Variants in EYA1 observed in about 807,000 individuals in gnomAD.
The protein encoded by EYA1 is protein phosphatase EYA1.
EYA1 carries 16 observed loss-of-function variants against 82.0 expected under a neutral mutation model. The observed-to-expected ratio is 0.20, with a 90% CI of 0.13 to 0.30. The LOEUF (loss-of-function observed/expected upper bound fraction) is 0.30, where lower values mean the gene tolerates loss of function less well. EYA1 is among the 10% of genes least tolerant of loss of function. The probability of loss-of-function intolerance (pLI) is 1.00; values close to 1 mark genes in which losing one functional copy is unlikely to be tolerated. For missense variants in EYA1, 633 were observed against 730.7 expected, an observed-to-expected ratio of 0.87 and a Z score of 1.54; for synonymous variants, 261 against 264.4, an observed-to-expected ratio of 0.99 and a Z score of 0.12.
At chr8:71,347,853 A>ATTTT (rs1388430053) in intron 3 of EYA1, among the ~76,000 whole-genome samples, 3 of 136,180 alleles carry the variant, frequency 2.2e-5, no homozygotes, top group Non-Finnish European at 1.5e-5. Flanking sequence ...TCTGTCTACC[A>ATTTT]TTTTTTGGTG....
At position 71,321,618 on chromosome 8, in the gene EYA1, G is replaced by GA. The variant is rs1822556435; in HGVS notation, c.418+115dup. 137 of 1,298,544 alleles carry GA rather than the reference G, an allele frequency of 1.1e-4. 1 individual carries two copies. In the South Asian group the frequency reaches 1.8e-3, roughly 17 times the overall value. The allele number at this position is 1,298,544 out of a possible 1,614,324, so 80.4% of individuals were successfully genotyped here. ...CAATCATACTAAGAATTTAGACACAGAAGGTGACAACACGTTCTAAATTGG... is the reference window on the plus strand; with the variant it reads ...CAATCATACTAAGAATTTAGACACAGAAAGGTGACAACACGTTCTAAATTGG... On this transcript the variant is annotated intron_variant, in intron 6 of 17. Coordinates refer to ENST00000340726, the MANE Select transcript of EYA1 (RefSeq NM_000503.6).
chr8:71,300,927 GTC>G (rs1159607216), intron 7 of EYA1, among the ~76,000 whole-genome samples: 74 of 152,132 alleles, frequency 4.9e-4, no homozygotes, highest in Non-Finnish European at 5.9e-5. Context: ...AAGAAATGCT[GTC>G]TCTGAAGGAT....
Position 71,217,096 on chromosome 8 carries a change from CCATA to C in EYA1, c.1141-77_1141-74del. On this transcript the variant is annotated intron_variant, in intron 12 of 17. Transcript: ENST00000340726. Reference sequence around the variant, plus strand: ...ATTTTTTTGTTTTGTTTTGGAAAAACCATACATATTTTTTAAAGCACCTTAATTG... The same window carrying C: ...ATTTTTTTGTTTTGTTTTGGAAAAACCATATTTTTTAAAGCACCTTAATTG... 5.2e-6 allele frequency: 6 copies of C among 1,148,166 alleles called. No individual in the cohort carries two copies. The Admixed American group carries it at 6.9e-5, about 13-fold the overall frequency. The allele number at this position is 1,148,166 out of a possible 1,614,324, so 71.1% of individuals were successfully genotyped here.
intron 7 of EYA1, among the ~76,000 whole-genome samples, chr8:71,300,286 G>C (rs1586251387): frequency 6.6e-6 from 1 of 152,294 alleles, no homozygotes; most frequent in Middle Eastern, 3.4e-3. Context: ...TACATATGCT[G>C]TCAAGATAAT....
chr8:71,481,704 T>A (rs1810175988), intron 2 of EYA1, among the ~76,000 whole-genome samples: 1 of 152,168 alleles, frequency 6.6e-6, no homozygotes, highest in Admixed American at 6.5e-5. Flanking sequence ...ATCCCCTACT[T>A]TTCCCGTAGA....
At chr8:71,290,283 AT>A (rs1422943868) in intron 9 of EYA1, among the ~76,000 whole-genome samples, 2 of 152,290 alleles carry the variant, frequency 1.3e-5, no homozygotes, top group African/African-American at 4.8e-5. Flanking sequence ...CTTTACAACC[AT>A]CTCCAATTAA....
intron 2 of EYA1, among the ~76,000 whole-genome samples, chr8:71,515,100 G>GT (rs1249815449): frequency 1.3e-5 from 2 of 152,094 alleles, no homozygotes; most frequent in East Asian, 1.9e-4. Flanking sequence ...TTAGTGTATG[G>GT]TAAAAAAAAG....
chr8:71,438,498 T>C (rs141363434), intron 2 of EYA1, among the ~76,000 whole-genome samples: 1,534 of 152,182 alleles, frequency 0.01, 32 homozygotes, highest in African/African-American at 0.036. Context: ...ATCATAAGAT[T>C]TCGTAGAAGA....
chr8:71,497,856 A>C (rs1249716801), intron 2 of EYA1, among the ~76,000 whole-genome samples: 1 of 152,220 alleles, frequency 6.6e-6, no homozygotes, highest in Non-Finnish European at 1.5e-5. Flanking sequence ...ATTGTGGTAT[A>C]TATAATGGAA....
chr8:71,515,083 C>T (rs1223266099), intron 2 of EYA1, among the ~76,000 whole-genome samples: 1 of 152,032 alleles, frequency 6.6e-6, no homozygotes, highest in East Asian at 1.9e-4. Context: ...CAATGAGTTA[C>T]ACATTTTTAG....
At chr8:71,532,444 T>C (rs6472591) in intron 2 of EYA1, among the ~76,000 whole-genome samples, 15,639 of 152,220 alleles carry the variant, frequency 0.1, 2,732 homozygotes, top group African/African-American at 0.35. Context: ...CCTTCTCTTT[T>C]GATCTTGTCA....
rs952689904 is a variant in EYA1, at chr8:71,397,682, T to A, written c.34-41171A>T. On this transcript the variant is annotated intron_variant, in intron 2 of 18. Coordinates refer to the EYA1 transcript ENST00000643681. ...CACTGTTAGTCTGATGGGCTTCCCTTTGTGAGTAACCCAACCTTTCTCTCT... is the reference window on the plus strand; with the variant it reads ...CACTGTTAGTCTGATGGGCTTCCCTATGTGAGTAACCCAACCTTTCTCTCT... Among the ~76,000 whole-genome samples, 3 of 152,238 alleles carry A rather than the reference T, an allele frequency of 2.0e-5. No individual in the cohort carries two copies. In the East Asian group the frequency reaches 5.8e-4, roughly 29 times the overall value.
intron 2 of EYA1, among the ~76,000 whole-genome samples, chr8:71,370,681 A>G (rs1007744011): frequency 3.3e-5 from 5 of 152,034 alleles, no homozygotes; most frequent in African/African-American, 1.2e-4. Context: ...GGATGCAGTG[A>G]TGCAATCATG....
At chr8:71,486,337 G>A (rs915873511) in intron 2 of EYA1, among the ~76,000 whole-genome samples, 17 of 152,124 alleles carry the variant, frequency 1.1e-4, no homozygotes, top group Non-Finnish European at 2.5e-4. Flanking sequence ...AGGTATAATC[G>A]ACTCTACTGG....
chr8:71,279,000 G>A (rs1213576116), intron 9 of EYA1, among the ~76,000 whole-genome samples: 2 of 152,154 alleles, frequency 1.3e-5, no homozygotes, highest in Non-Finnish European at 2.9e-5. Context: ...TAGCCGAGAG[G>A]AAGCTCTCAC....
intron 1 of EYA1, among the ~76,000 whole-genome samples, chr8:71,543,320 T>C (rs563671859): frequency 1.3e-5 from 2 of 152,076 alleles, no homozygotes; most frequent in African/African-American, 2.4e-5. Flanking sequence ...AACTGCAGAG[T>C]GGCCTGAGGG....
intron 2 of EYA1, among the ~76,000 whole-genome samples, chr8:71,493,043 C>G (rs1323644919): frequency 6.6e-6 from 1 of 152,198 alleles, no homozygotes; most frequent in Non-Finnish European, 1.5e-5. Flanking sequence ...TGTTAATCTA[C>G]TAAGGATAAT....
chr8:71,226,818 T>C (rs1251850645), intron 12 of EYA1, among the ~76,000 whole-genome samples: 1 of 151,858 alleles, frequency 6.6e-6, no homozygotes, highest in Admixed American at 6.6e-5. Flanking sequence ...TATTAAGTTA[T>C]GTTTTATGCA....
chr8:71,425,137 G>A (rs1831357908), intron 2 of EYA1, among the ~76,000 whole-genome samples: 2 of 144,172 alleles, frequency 1.4e-5, no homozygotes, highest in Admixed American at 1.4e-4. Flanking sequence ...AAATCAATGA[G>A]CCGGGCGTGG....
Sources: gnomAD v4.1 joint callset for allele counts (sites outside exome capture counted in the v4.1 genomes callset) on GRCh38, gnomAD v4.1.1 for gene constraint, MANE v1.5 for transcripts, NCBI Gene and HGNC (gene_info 2026-07-23, HGNC 2026-07-21) for gene names.